The following PRR5L variants were observed in gnomAD, a reference collection of about 807,000 sequenced individuals.
PRR5L encodes the protein proline rich 5 like.
Under a neutral mutation model 36.4 loss-of-function variants are expected in PRR5L, and 21 were observed. That is an observed-to-expected ratio of 0.58 (90% CI 0.41 to 0.83). The LOEUF (loss-of-function observed/expected upper bound fraction) is 0.83, where lower values mean the gene tolerates loss of function less well. PRR5L is among the 40% of genes least tolerant of loss of function. The pLI is 0.00. For synonymous variants in PRR5L, 188 were observed against 197.0 expected (o/e 0.95, Z 0.38); for missense variants, 381 against 473.3 (o/e 0.80, Z 1.81).
chr11:36,450,577 A>T (rs1858922038), intron 7 of PRR5L, among the ~76,000 whole-genome samples: 1 of 152,180 alleles, frequency 6.6e-6, no homozygotes, highest in Non-Finnish European at 1.5e-5. Flanking sequence ...TTGGCGCTAA[A>T]ACTATTCCTG....
At chr11:36,317,521 G>A (rs1856569867) in intron 1 of PRR5L, among the ~76,000 whole-genome samples, 1 of 152,184 alleles carries the variant, frequency 6.6e-6, no homozygotes, top group Non-Finnish European at 1.5e-5. Context: ...TTTTCCTACA[G>A]ACTTTAAATT....
chr11:36,302,138 G>A (rs1420473181), intron 1 of PRR5L, among the ~76,000 whole-genome samples: 1 of 152,182 alleles, frequency 6.6e-6, no homozygotes, highest in East Asian at 1.9e-4. Flanking sequence ...AGTAGCAAGC[G>A]CATTGATGGG....
At chr11:36,331,470 A>T (rs1180001805) in intron 1 of PRR5L, among the ~76,000 whole-genome samples, 1 of 152,230 alleles carries the variant, frequency 6.6e-6, no homozygotes, top group Non-Finnish European at 1.5e-5. Flanking sequence ...AAACAAAAAC[A>T]TGATAAAGAT....
chr11:36,414,535 C>T (rs1320515122), intron 3 of PRR5L, among the ~76,000 whole-genome samples: 1 of 145,712 alleles, frequency 6.9e-6, no homozygotes, highest in East Asian at 2.0e-4. Context: ...TGTTCATGTC[C>T]TTCGCCCACT....
intron 3 of PRR5L, among the ~76,000 whole-genome samples, chr11:36,418,713 A>G (rs1304128201): frequency 6.6e-6 from 1 of 151,784 alleles, no homozygotes; most frequent in African/African-American, 2.4e-5. Context: ...GGAGAATTGC[A>G]TGAACCCAGG....
At chr11:36,403,425 G>A in intron 3 of PRR5L, 47 bp downstream of exon 3, 1 of 1,499,966 alleles carries the variant, frequency 6.7e-7, no homozygotes, top group Non-Finnish European at 9.3e-7. Context: ...ATAAACCTGA[G>A]CAGGGGCATA....
Position 36,446,351 on chromosome 11 carries a change from G to A in PRR5L, c.496G>A (p.Val166Ile), listed in dbSNP as rs1858829291. 1.2e-6 allele frequency: 2 copies of A among 1,614,008 alleles called. No homozygotes were observed. The highest frequency in any genetic ancestry group is 1.1e-5 in the South Asian group (1 of 91,086). ...CTCCCTGCTGGGCTTCCGAGACCTAGTCTTGCTGAAGGTGAAGCTGGGTGA... is the reference window on the plus strand; with the variant it reads ...CTCCCTGCTGGGCTTCCGAGACCTAATCTTGCTGAAGGTGAAGCTGGGTGA... The part of the protein sequence containing the change: ...QISLLGFRDL[V>I]LLKVKLGDLL... The change falls in exon 7 of 9, where the codon GTC (valine) becomes ATC (isoleucine). Residue 166 changes from valine to isoleucine, a missense_variant. Val to Ile is a conservative substitution (Grantham distance 29). Transcript: ENST00000530639.
At chr11:36,331,639 CTAGTT>C (rs1243155455) in intron 1 of PRR5L, among the ~76,000 whole-genome samples, 4 of 152,144 alleles carry the variant, frequency 2.6e-5, no homozygotes, top group African/African-American at 7.2e-5. Context: ...ATGGCAAACT[CTAGTT>C]TAGCATTGAA....
At chr11:36,376,287 GA>G in intron 1 of PRR5L, 4 of 1,133,952 alleles carry the variant, frequency 3.5e-6, no homozygotes, top group Non-Finnish European at 2.3e-6. Context: ...CCCGGGACAG[GA>G]AAAGTGGGAG....
At chr11:36,335,256 G>T (rs1201830819) in intron 1 of PRR5L, among the ~76,000 whole-genome samples, 1 of 152,064 alleles carries the variant, frequency 6.6e-6, no homozygotes, top group Non-Finnish European at 1.5e-5. Flanking sequence ...GTAGAGACAG[G>T]GTTTCTCCAC....
chr11:36,345,908 C>T (rs921792346), intron 1 of PRR5L, among the ~76,000 whole-genome samples: 1 of 152,170 alleles, frequency 6.6e-6, no homozygotes, highest in Non-Finnish European at 1.5e-5. Context: ...ATTCCTTTCA[C>T]GGGAGCGTGG....
At chr11:36,376,347 AG>A (rs1486427505) in intron 1 of PRR5L, 1 of 79,886 alleles carries the variant, frequency 1.3e-5, no homozygotes, top group East Asian at 1.8e-3. Flanking sequence ...GAGGAGGAAG[AG>A]GAGGAGGAGG....
chr11:36,356,754 A>G (rs544608515), intron 1 of PRR5L, among the ~76,000 whole-genome samples: 14 of 152,192 alleles, frequency 9.2e-5, no homozygotes, highest in Non-Finnish European at 1.8e-4. Flanking sequence ...CATAACTGTT[A>G]TATGCATTCT....
chr11:36,378,924 A>C (rs1225360159), intron 1 of PRR5L, among the ~76,000 whole-genome samples: 1 of 152,078 alleles, frequency 6.6e-6, no homozygotes, highest in African/African-American at 2.4e-5. Context: ...CAGATTTGTT[A>C]CTCCAGACTC....
intron 1 of PRR5L, among the ~76,000 whole-genome samples, chr11:36,365,642 T>C (rs1300112086): frequency 6.6e-6 from 1 of 152,214 alleles, no homozygotes; most frequent in Admixed American, 6.5e-5. Context: ...CATGGTATTA[T>C]CCCTTCCCCT....
chr11:36,396,646 T>G (rs1184150606), intron 1 of PRR5L, among the ~76,000 whole-genome samples: 1 of 152,204 alleles, frequency 6.6e-6, no homozygotes, highest in Non-Finnish European at 1.5e-5. Flanking sequence ...TTGACAAATA[T>G]TTATCCATTT....
intron 1 of PRR5L, among the ~76,000 whole-genome samples, chr11:36,355,515 C>T (rs2133497155): frequency 6.7e-6 from 1 of 150,316 alleles, no homozygotes; most frequent in Non-Finnish European, 1.5e-5. Flanking sequence ...ACCAGGTAGT[C>T]TGACCCCAGA....
rs544788806 is a variant in PRR5L, at chr11:36,334,385, T to C, written c.-126+37947T>C. On this transcript the variant is annotated intron_variant, in intron 1 of 8. Transcript: ENST00000530639. ...GTGGCTTTCCACTGGTCTCAGAATA[T>C]AGTCCAAACAAGCTCCTGGCCATGG... Among the ~76,000 whole-genome samples, 9 of 152,350 alleles carry C rather than the reference T, an allele frequency of 5.9e-5. No homozygotes were observed. In the East Asian group the frequency reaches 1.3e-3, roughly 23 times the overall value.
chr11:36,454,511 G>A (rs1489996183), intron 8 of PRR5L, among the ~76,000 whole-genome samples: 1 of 152,118 alleles, frequency 6.6e-6, no homozygotes, highest in Non-Finnish European at 1.5e-5. Flanking sequence ...GGGCTTTGCC[G>A]TGGCTCACTT....
Sources: gnomAD v4.1 joint callset for allele counts (sites outside exome capture counted in the v4.1 genomes callset) on GRCh38, gnomAD v4.1.1 for gene constraint, MANE v1.5 for transcripts, NCBI Gene and HGNC (gene_info 2026-07-23, HGNC 2026-07-21) for gene names.